Variants in OCA2 observed in about 807,000 individuals in gnomAD.
OCA2 encodes the protein P protein.
OCA2 carries 77 observed loss-of-function variants against 100.2 expected under a neutral mutation model. The ratio of observed to expected loss-of-function variants is 0.77; its 90% CI spans 0.64 to 0.93. The LOEUF (loss-of-function observed/expected upper bound fraction) is 0.93, where lower values mean the gene tolerates loss of function less well. OCA2 is among the 40% of genes least tolerant of loss of function. OCA2 has a pLI of 0.00. For synonymous variants in OCA2, 432 were observed against 439.2 expected (o/e 0.98, Z 0.21); for missense variants, 1,062 against 1,089.1 (o/e 0.98, Z 0.35).
At chr15:28,056,426 G>C (rs984465130) in intron 2 of OCA2, among the ~76,000 whole-genome samples, 1 of 152,166 alleles carries the variant, frequency 6.6e-6, no homozygotes, top group Non-Finnish European at 1.5e-5. Flanking sequence ...GGAACAAGAC[G>C]GGCTGTCTGG....
In OCA2 at chr15:27,950,782, G is replaced by T. The variant is rs147750878; in HGVS notation, c.1951+1002C>A. Reference sequence around the variant, plus strand: ...CGGAAGCAATGATGTGGTGCGAATCGCTGAAGCTTGAGGCATTATCCATCT... The same window carrying T: ...CGGAAGCAATGATGTGGTGCGAATCTCTGAAGCTTGAGGCATTATCCATCT... On this transcript the variant is annotated intron_variant, in intron 18 of 23. Transcript: ENST00000354638. 2.6e-5 allele frequency among the ~76,000 whole-genome samples: 4 copies of T among 152,152 alleles called. No individual in the cohort carries two copies. The South Asian group carries it at 8.3e-4, about 32-fold the overall frequency.
chr15:27,831,216 T>A (rs1488506237), intron 23 of OCA2, among the ~76,000 whole-genome samples: 1 of 135,382 alleles, frequency 7.4e-6, no homozygotes, highest in Non-Finnish European at 1.5e-5. Flanking sequence ...AACCAGGGAG[T>A]CCGAGGTTGC....
intron 23 of OCA2, among the ~76,000 whole-genome samples, chr15:27,769,539 A>C (rs1408304224): frequency 2.0e-5 from 3 of 152,178 alleles, no homozygotes; most frequent in Non-Finnish European, 4.4e-5. Flanking sequence ...CATTGGGTGC[A>C]GGGCACACTG....
chr15:27,934,020 A>C, intron 18 of OCA2, among the ~76,000 whole-genome samples: 1 of 152,330 alleles, frequency 6.6e-6, no homozygotes, highest in South Asian at 2.1e-4. Flanking sequence ...GGATATATAC[A>C]TATCTATATA....
chr15:27,802,984 C>T (rs935958127), intron 23 of OCA2, among the ~76,000 whole-genome samples: 31 of 152,312 alleles, frequency 2.0e-4, no homozygotes, highest in Admixed American at 1.6e-3. Flanking sequence ...AAGCCACAGA[C>T]TGGGAGAATA....
chr15:27,849,127 C>T (rs1236066513), intron 22 of OCA2, among the ~76,000 whole-genome samples: 1 of 149,714 alleles, frequency 6.7e-6, no homozygotes, highest in Admixed American at 6.7e-5. Flanking sequence ...AACACAGCCA[C>T]GTGCTGCCTG....
At chr15:27,848,277 T>G (rs561703992) in intron 22 of OCA2, among the ~76,000 whole-genome samples, 37 of 152,298 alleles carry the variant, frequency 2.4e-4, no homozygotes, top group Admixed American at 2.3e-3. Context: ...TCCTCTGTGT[T>G]TATGAGGACC....
chr15:28,037,429 C>T (rs966582578), intron 2 of OCA2, among the ~76,000 whole-genome samples: 5 of 152,066 alleles, frequency 3.3e-5, no homozygotes, highest in Non-Finnish European at 7.4e-5. Flanking sequence ...GGAGGGGTCC[C>T]TCATGGGAAG....
chr15:27,795,218 G>A (rs569935214), intron 23 of OCA2, among the ~76,000 whole-genome samples: 8 of 152,196 alleles, frequency 5.3e-5, no homozygotes, highest in Admixed American at 3.3e-4. Flanking sequence ...GCTCCAACCC[G>A]TACTGAACCC....
intron 23 of OCA2, among the ~76,000 whole-genome samples, chr15:27,782,110 C>G (rs1404213232): frequency 6.6e-6 from 1 of 152,148 alleles, no homozygotes; most frequent in African/African-American, 2.4e-5. Flanking sequence ...TTTTTGCTCT[C>G]TGAATATCAT....
At chr15:27,854,577 G>T (rs1219292387) in intron 21 of OCA2, among the ~76,000 whole-genome samples, 1 of 152,166 alleles carries the variant, frequency 6.6e-6, no homozygotes, top group Non-Finnish European at 1.5e-5. Flanking sequence ...CTGGCAGCAG[G>T]GTGCTCCCAT....
rs889898914 is a variant in OCA2 at position 27,957,013 on chromosome 15, G to C, written c.1784+575C>G. Among the ~76,000 whole-genome samples the C allele has an allele frequency of 6.6e-5, 10 of 152,214 alleles. No homozygotes were observed. The highest frequency in any genetic ancestry group is 2.4e-4 in the African/African-American group (10 of 41,450). On this transcript the variant is annotated intron_variant, in intron 16 of 23. Coordinates refer to ENST00000354638, the MANE Select transcript of OCA2 (RefSeq NM_000275.3). This position sits in a 1 kb window ranked among gnomAD's most constrained non-coding sequence, Gnocchi z 4.3. ...TCAGCATCCCTTGGGGGGCCACCAG[G>C]CTCCTGCTTCTTCTGTCTGAGCTTC...
chr15:28,019,162 C>T (rs2042505268), intron 6 of OCA2, among the ~76,000 whole-genome samples: 1 of 151,584 alleles, frequency 6.6e-6, no homozygotes, highest in Admixed American at 6.6e-5. Flanking sequence ...CAGGATGCAG[C>T]GCTGGGTGTG....
At chr15:28,053,278 G>A (rs1026563944) in intron 2 of OCA2, among the ~76,000 whole-genome samples, 99 of 152,200 alleles carry the variant, frequency 6.5e-4, no homozygotes, top group African/African-American at 2.4e-3. Flanking sequence ...GCCATGGAGG[G>A]CACAAGACAG....
intron 13 of OCA2, 46 bp from the exon 14 acceptor site, chr15:27,983,529 G>C: frequency 6.2e-7 from 1 of 1,606,074 alleles, no homozygotes; most frequent in Non-Finnish European, 8.5e-7. Context: ...TATACACATC[G>C]TGAAAGGCCC....
chr15:28,029,191 T>TA (rs1165563371), intron 3 of OCA2, among the ~76,000 whole-genome samples: 1 of 152,242 alleles, frequency 6.6e-6, no homozygotes, highest in Non-Finnish European at 1.5e-5. Flanking sequence ...CCTGAACACT[T>TA]ATGACTGCTT....
At chr15:28,080,668 G>A (rs1214134100) in intron 2 of OCA2, among the ~76,000 whole-genome samples, 1 of 152,216 alleles carries the variant, frequency 6.6e-6, no homozygotes, top group African/African-American at 2.4e-5. Context: ...CTTTGTTAAA[G>A]GCTGGAGAGA....
chr15:28,032,511 C>T (rs998416293), intron 2 of OCA2, among the ~76,000 whole-genome samples: 4 of 152,078 alleles, frequency 2.6e-5, no homozygotes, highest in Admixed American at 6.5e-5. Context: ...GAGGGACGGG[C>T]GCGGTGGCTC....
At chr15:27,784,636 A>G (rs1566960984) in intron 23 of OCA2, among the ~76,000 whole-genome samples, 1 of 152,228 alleles carries the variant, frequency 6.6e-6, no homozygotes, top group Non-Finnish European at 1.5e-5. Flanking sequence ...TTTTGAGCAG[A>G]GAGATGGGAA....
Sources: allele counts gnomAD v4.1 joint callset (sites outside exome capture counted in the v4.1 genomes callset), GRCh38; gene constraint gnomAD v4.1.1; non-coding constraint Gnocchi (gnomAD v3.1); transcripts MANE v1.5; gene names NCBI Gene and HGNC (gene_info 2026-07-23, HGNC 2026-07-21).